Variants in LPP observed in about 807,000 individuals in gnomAD.
LPP encodes the protein lipoma-preferred partner.
In LPP, 38 loss-of-function variants were observed where a neutral mutation model predicts 60.4. The observed-to-expected ratio is 0.63, with a 90% CI of 0.49 to 0.83. LPP has a LOEUF of 0.83. Ranked by LOEUF, LPP falls within the 40% of genes least tolerant of loss-of-function variation. The pLI, the probability that LPP is intolerant of heterozygous loss-of-function variation, is 0.00. For missense variants in LPP, 902 were observed against 783.6 expected (o/e 1.15, Z -1.80); for synonymous variants, 328 against 290.8 (o/e 1.13, Z -1.30).
At chr3:188,241,321 G>A (rs922241497) in intron 2 of LPP, among the ~76,000 whole-genome samples, 10 of 152,196 alleles carry the variant, frequency 6.6e-5, no homozygotes, top group East Asian at 5.8e-4. Context: ...ACGCCTGTCC[G>A]CTGTGTGCTG....
At chr3:188,409,664 A>T (rs1222778489) in intron 4 of LPP, among the ~76,000 whole-genome samples, 1 of 152,170 alleles carries the variant, frequency 6.6e-6, no homozygotes, top group Non-Finnish European at 1.5e-5. Flanking sequence ...ATACCAGCTT[A>T]TGCTCTGTAT....
intron 2 of LPP, among the ~76,000 whole-genome samples, chr3:188,232,927 G>C (rs1720603741): frequency 6.6e-6 from 1 of 151,416 alleles, no homozygotes; most frequent in Admixed American, 6.6e-5. Context: ...ATTGAGTGTG[G>C]TACTTCTTAT....
At chr3:188,836,223 C>T (rs889932798) in intron 9 of LPP, among the ~76,000 whole-genome samples, 4 of 152,232 alleles carry the variant, frequency 2.6e-5, no homozygotes, top group South Asian at 2.1e-4. Flanking sequence ...GGCTTCTCCA[C>T]ATCTTGAGCC....
At chr3:188,717,155 C>G (rs910202342) in intron 8 of LPP, among the ~76,000 whole-genome samples, 3 of 152,190 alleles carry the variant, frequency 2.0e-5, no homozygotes, top group Admixed American at 2.0e-4. Context: ...GCAGAATTGC[C>G]CTGGGGCACA....
At position 188,538,490 on chromosome 3, in the gene LPP, A is replaced by G. The variant is rs527814412; in HGVS notation, c.429+13703A>G. On this transcript the variant is annotated intron_variant, in intron 6 of 11. Coordinates refer to ENST00000617246, the MANE Select transcript of LPP (RefSeq NM_001375462.1). ...GAAATGCAAGTCAAACCACAACGAG[A>G]TATCACTTCACGCTCACTAAGGTGG... is the stretch of plus-strand genomic sequence containing the variant. Among the ~76,000 whole-genome samples, 34 of 152,322 alleles carry G rather than the reference A, an allele frequency of 2.2e-4. No individual in the cohort carries two copies. The South Asian group carries it at 6.8e-3, about 31-fold the overall frequency.
intron 2 of LPP, among the ~76,000 whole-genome samples, chr3:188,270,302 G>GACAC (rs148947640): frequency 1.3e-5 from 2 of 150,244 alleles, no homozygotes; most frequent in African/African-American, 4.9e-5. Context: ...TGTGTGTGTG[G>GACAC]ACACACACAC....
At chr3:188,240,867 T>A (rs562681826) in intron 2 of LPP, among the ~76,000 whole-genome samples, 1 of 152,174 alleles carries the variant, frequency 6.6e-6, no homozygotes, top group East Asian at 1.9e-4. Context: ...CTATTGGCTA[T>A]ATTAAAGTAA....
At chr3:188,330,766 A>C (rs2150504344) in intron 2 of LPP, among the ~76,000 whole-genome samples, 1 of 152,254 alleles carries the variant, frequency 6.6e-6, no homozygotes, top group South Asian at 2.1e-4. Context: ...CAGTGAGCCG[A>C]GATCGTGCTA....
intron 9 of LPP, among the ~76,000 whole-genome samples, chr3:188,768,837 A>T (rs546471600): frequency 3.0e-4 from 46 of 152,326 alleles, no homozygotes; most frequent in African/African-American, 1.1e-3. Context: ...ATTTCTTTAA[A>T]CAATATGTAG....
intron 9 of LPP, among the ~76,000 whole-genome samples, chr3:188,817,050 T>C (rs986897743): frequency 2.0e-5 from 3 of 152,198 alleles, no homozygotes; most frequent in African/African-American, 7.2e-5. Flanking sequence ...TATTTGCAAA[T>C]AATTAAGATG....
At chr3:188,479,496 A>G (rs910463125) in intron 4 of LPP, among the ~76,000 whole-genome samples, 1 of 152,238 alleles carries the variant, frequency 6.6e-6, no homozygotes, top group Admixed American at 6.5e-5. Flanking sequence ...ACACCAGGTC[A>G]TTTATTAAAA....
At chr3:188,422,949 G>GTGTGTGTA (rs1788242521) in intron 4 of LPP, among the ~76,000 whole-genome samples, 2 of 150,748 alleles carry the variant, frequency 1.3e-5, no homozygotes, top group African/African-American at 4.9e-5. Context: ...GTGTGTGTGT[G>GTGTGTGTA]TGTGTGTGTT....
At chr3:188,299,176 C>CT (rs1313871188) in intron 2 of LPP, among the ~76,000 whole-genome samples, 1 of 152,206 alleles carries the variant, frequency 6.6e-6, no homozygotes, top group African/African-American at 2.4e-5. Flanking sequence ...GCCTCGGACT[C>CT]TCCCTGGGCT....
At chr3:188,263,528 T>C (rs140633294) in intron 2 of LPP, among the ~76,000 whole-genome samples, 1,789 of 152,358 alleles carry the variant, frequency 0.012, 19 homozygotes, top group Non-Finnish European at 0.017. Flanking sequence ...GTAGTTGTTA[T>C]GAGCCACACC....
chr3:188,663,855 G>A (rs1187284168), intron 7 of LPP, among the ~76,000 whole-genome samples: 1 of 152,040 alleles, frequency 6.6e-6, no homozygotes, highest in East Asian at 1.9e-4. Flanking sequence ...TCCCTTACAT[G>A]CGCAGTTCAC....
At chr3:188,728,689 T>C (rs1560122932) in intron 8 of LPP, among the ~76,000 whole-genome samples, 1 of 152,190 alleles carries the variant, frequency 6.6e-6, no homozygotes, top group East Asian at 1.9e-4. Flanking sequence ...ACAGAGATGG[T>C]GAAACCCAGC....
chr3:188,524,643 A>G (rs900495382), intron 5 of LPP, 22 bp from the exon 6 acceptor site: 9 of 1,597,206 alleles, frequency 5.6e-6, no homozygotes, highest in Non-Finnish European at 6.8e-6. Context: ...CTTTGTTAAC[A>G]TGTCTGTGTT....
intron 1 of LPP, among the ~76,000 whole-genome samples, chr3:188,184,558 A>T (rs1401292857): frequency 6.6e-6 from 1 of 152,128 alleles, no homozygotes; most frequent in South Asian, 2.1e-4. Context: ...GGAAGGTGGT[A>T]TCGGGTCACC....
At chr3:188,871,827 TA>T (rs1768172198) in intron 10 of LPP, among the ~76,000 whole-genome samples, 1 of 152,180 alleles carries the variant, frequency 6.6e-6, no homozygotes, top group African/African-American at 2.4e-5. Context: ...AATTGTTAGG[TA>T]CCATTGATCA....
Sources: allele counts gnomAD v4.1 joint callset (sites outside exome capture counted in the v4.1 genomes callset), GRCh38; gene constraint gnomAD v4.1.1; transcripts MANE v1.5; gene names NCBI Gene and HGNC (gene_info 2026-07-23, HGNC 2026-07-21).